Variants in PANK3 observed in about 807,000 individuals in gnomAD.
The protein encoded by PANK3 is hPanK3.
PANK3 carries 20 observed loss-of-function variants against 39.4 expected under a neutral mutation model. The observed-to-expected ratio is 0.51, with a 90% CI of 0.36 to 0.74. PANK3 has a LOEUF of 0.74. PANK3 is among the 30% of genes least tolerant of loss of function. PANK3 has a pLI of 0.00. For missense variants in PANK3, 265 were observed against 437.0 expected, an observed-to-expected ratio of 0.61 and a Z score of 3.51; for synonymous variants, 140 against 157.3, an observed-to-expected ratio of 0.89 and a Z score of 0.82.
At chr5:168,559,699 A>G (rs1250375999) in intron 5 of PANK3, among the ~76,000 whole-genome samples, 2 of 150,390 alleles carry the variant, frequency 1.3e-5, no homozygotes, top group Admixed American at 6.6e-5. Flanking sequence ...GATGTGATTA[A>G]AAAAAAAAAT....
Position 168,566,006 on chromosome 5 carries a change from TCACTA to T in PANK3, c.635+2_635+6del, listed in dbSNP as rs1346517488. 1 of 1,603,374 alleles carries T rather than the reference TCACTA, an allele frequency of 6.2e-7. No individual in the cohort carries two copies. Among genetic ancestry groups the T allele is most frequent in the Non-Finnish European group, 8.5e-7 (1 of 1,171,870 alleles). ...GAATGCAGCAATACAACCAAAAAGG[TCACTA>T]CCTTGTCCCAGTCACTCGTTTATAG... is the stretch of plus-strand genomic sequence containing the variant. On this transcript the variant is annotated splice_donor_variant and splice_donor_5th_base_variant and intron_variant, in intron 3 of 6. Coordinates refer to ENST00000239231, the MANE Select transcript of PANK3 (RefSeq NM_024594.4). LOFTEE classifies it high-confidence loss of function.
chr5:168,565,930 G>T, intron 3 of PANK3, 83 bp downstream of exon 3: 1 of 1,202,748 alleles, frequency 8.3e-7, no homozygotes, highest in Non-Finnish European at 1.1e-6. Flanking sequence ...TTTTACTGGT[G>T]AAAATGACAT....
In PANK3 at chr5:168,551,122, T is replaced by C. The variant is rs572657636; in HGVS notation, c.*6449A>G. 2.6e-5 allele frequency: 4 copies of C among 152,278 alleles called. No homozygotes were observed. Among genetic ancestry groups the C allele is most frequent in the African/African-American group, 2.4e-5 (1 of 41,564 alleles). The allele number at this position is 152,278 out of a possible 1,614,324, so 9.4% of individuals were successfully genotyped here. ...TCCTTTTTTAGGTCTTTAGTGATTATTACTAGGCTCAGTAGAAACCAGAAG... is the reference window on the plus strand; with the variant it reads ...TCCTTTTTTAGGTCTTTAGTGATTACTACTAGGCTCAGTAGAAACCAGAAG... On this transcript the variant is annotated 3_prime_UTR_variant, in exon 7 of 7. Transcript: ENST00000239231.
At chr5:168,558,228 C>A (rs145162200) in intron 6 of PANK3, among the ~76,000 whole-genome samples, 2 of 149,524 alleles carry the variant, frequency 1.3e-5, no homozygotes, top group South Asian at 4.2e-4. Context: ...GGCGCCATCT[C>A]GACTCACTGC....
At chr5:168,573,074 T>C (rs973452918) in intron 1 of PANK3, among the ~76,000 whole-genome samples, 4 of 152,128 alleles carry the variant, frequency 2.6e-5, no homozygotes, top group African/African-American at 7.2e-5. Flanking sequence ...AATGTGTTCG[T>C]TCCTTGAGTG....
chr5:168,563,698 T>C (rs1759479969), intron 4 of PANK3, among the ~76,000 whole-genome samples, 191 bp downstream of exon 4: 1 of 152,028 alleles, frequency 6.6e-6, no homozygotes, highest in South Asian at 2.1e-4. Context: ...AAAAGTTTCT[T>C]ACAAGGTGCA....
In PANK3 at chr5:168,555,912, C is replaced by G. The variant is rs1759342925; in HGVS notation, c.*1659G>C. On this transcript the variant is annotated 3_prime_UTR_variant, in exon 7 of 7. Coordinates refer to ENST00000239231, the MANE Select transcript of PANK3 (RefSeq NM_024594.4). ...TTTCCATTGATACTGATAAAGTTGCCTAAGACACAACTTCCTACATAGAGG... is the reference window on the plus strand; with the variant it reads ...TTTCCATTGATACTGATAAAGTTGCGTAAGACACAACTTCCTACATAGAGG... 1 of 152,210 alleles carries G rather than the reference C, an allele frequency of 6.6e-6. No homozygotes were observed. Among genetic ancestry groups the G allele is most frequent in the South Asian group, 2.1e-4 (1 of 4,832 alleles). The allele number at this position is 152,210 out of a possible 1,614,324, so 9.4% of individuals were successfully genotyped here.
chr5:168,564,859 G>A (rs1469160766), intron 3 of PANK3, among the ~76,000 whole-genome samples: 2 of 152,162 alleles, frequency 1.3e-5, no homozygotes, highest in East Asian at 3.8e-4. Flanking sequence ...TAAATACAAT[G>A]AGTAAATTTA....
At chr5:168,579,211 C>A in intron 1 of PANK3, 45 bp downstream of exon 1, 1 of 1,474,864 alleles carries the variant, frequency 6.8e-7, no homozygotes, top group Non-Finnish European at 9.0e-7. Flanking sequence ...CAGACGGGGC[C>A]CAAGGGTGCC....
intron 1 of PANK3, among the ~76,000 whole-genome samples, chr5:168,572,287 T>A (rs1759651407): frequency 6.6e-6 from 1 of 152,056 alleles, no homozygotes; most frequent in South Asian, 2.1e-4. Flanking sequence ...CTAATTTTTT[T>A]ATTTTTAGTA....
chr5:168,570,909 A>C (rs1034740175), intron 1 of PANK3, among the ~76,000 whole-genome samples: 1 of 152,234 alleles, frequency 6.6e-6, no homozygotes, highest in African/African-American at 2.4e-5. Flanking sequence ...GATAGAGGCC[A>C]TCTTAAGTAA....
Position 168,550,137 on chromosome 5 carries a change from T to C in PANK3, c.*7434A>G, listed in dbSNP as rs1759254408. The C allele has an allele frequency of 6.6e-6, 1 of 152,236 alleles. No homozygotes were observed. Among genetic ancestry groups the C allele is most frequent in the African/African-American group, 2.4e-5 (1 of 41,462 alleles). 9.4% of individuals were successfully genotyped at this position (152,236 alleles called of 1,614,324 possible). On this transcript the variant is annotated 3_prime_UTR_variant, in exon 7 of 7. Coordinates refer to ENST00000239231, the MANE Select transcript of PANK3 (RefSeq NM_024594.4). The stretch of plus-strand genomic sequence containing the variant: ...AAAAACTGTACTTCAAATTTTGTAC[T>C]CTGATATTATCCTGGGATAACGATA...
chr5:168,564,314 C>A (rs1243949706), intron 3 of PANK3, among the ~76,000 whole-genome samples: 1 of 152,178 alleles, frequency 6.6e-6, no homozygotes, highest in Non-Finnish European at 1.5e-5. Flanking sequence ...CCTATTAAAT[C>A]TCTCCCAAAG....
chr5:168,552,653 C>A lies in PANK3; in HGVS notation c.*4918G>T. 1 of 220,868 alleles carries A rather than the reference C, an allele frequency of 4.5e-6. No homozygotes were observed. Among genetic ancestry groups the A allele is most frequent in the South Asian group, 9.5e-5 (1 of 10,492 alleles). 13.7% of individuals were successfully genotyped at this position (220,868 alleles called of 1,614,324 possible). A position where few individuals can be genotyped will look rare whatever the true frequency, so the allele number is the denominator to read the frequency against. ...AGATAGCCCCACTACAGACAAAGCT[C>A]ATCCCACCATACTCATCCTTTAATA... On this transcript the variant is annotated 3_prime_UTR_variant, in exon 7 of 7. Transcript: ENST00000239231.
intron 1 of PANK3, among the ~76,000 whole-genome samples, chr5:168,576,695 T>C (rs1759735658): frequency 6.6e-6 from 1 of 152,138 alleles, no homozygotes; most frequent in Admixed American, 6.6e-5. Flanking sequence ...GCCAATATAA[T>C]ATACAGCTTC....
chr5:168,578,998 T>C (rs1284909958), intron 1 of PANK3, among the ~76,000 whole-genome samples: 1 of 152,014 alleles, frequency 6.6e-6, no homozygotes, highest in Non-Finnish European at 1.5e-5. Context: ...GAATCAGAAA[T>C]TCCCTCTGGC....
chr5:168,565,868 A>ATATATAT lies in PANK3; in HGVS notation c.635+144_635+145insATATATA, dbSNP rs1554125712. The ATATATAT allele has an allele frequency of 1.7e-4, 23 of 131,942 alleles. 1 individual carries two copies. In the East Asian group the frequency reaches 3.5e-3, roughly 20 times the overall value. 8.2% of individuals were successfully genotyped at this position (131,942 alleles called of 1,614,324 possible). On this transcript the variant is annotated intron_variant, in intron 3 of 6. Coordinates refer to ENST00000239231, the MANE Select transcript of PANK3 (RefSeq NM_024594.4). ...CACCCTCTTTCACTTAAAAAAAAAA[A>ATATATAT]ATATATATATATATATATTTTTTTT...
At chr5:168,573,227 A>G (rs950010909) in intron 1 of PANK3, among the ~76,000 whole-genome samples, 1 of 152,020 alleles carries the variant, frequency 6.6e-6, no homozygotes, top group East Asian at 1.9e-4. Flanking sequence ...CTTAAAATCA[A>G]CAAAGCAGGG....
rs949072951 is a variant in PANK3, at chr5:168,561,626, T to C, written c.813-110A>G. The C allele has an allele frequency of 9.2e-6, 8 of 872,076 alleles. No individual in the cohort carries two copies. In the African/African-American group the frequency reaches 1.2e-4, roughly 13 times the overall value. The allele number at this position is 872,076 out of a possible 1,614,324, so 54.0% of individuals were successfully genotyped here. A position where few individuals can be genotyped will look rare whatever the true frequency, so the allele number is the denominator to read the frequency against. ...TTTTTATAAAATTAGGACCAAAAAGTAGAAACACATAGGGATAAGATCAAA... is the reference window on the plus strand; with the variant it reads ...TTTTTATAAAATTAGGACCAAAAAGCAGAAACACATAGGGATAAGATCAAA... On this transcript the variant is annotated intron_variant, in intron 4 of 6. Transcript: ENST00000239231.
Sources: gnomAD v4.1 joint callset for allele counts (sites outside exome capture counted in the v4.1 genomes callset) on GRCh38, gnomAD v4.1.1 for gene constraint, MANE v1.5 for transcripts, NCBI Gene and HGNC (gene_info 2026-07-23, HGNC 2026-07-21) for gene names.